Variants in KLHL3 observed in about 807,000 individuals in gnomAD.
The protein encoded by KLHL3 is kelch like family member 3, also known as kelch-like protein 3.
Under a neutral mutation model 70.5 loss-of-function variants are expected in KLHL3, and 19 were observed. That is an observed-to-expected ratio of 0.27 (90% confidence interval 0.19 to 0.40). The LOEUF is 0.40. Ranked by LOEUF, KLHL3 falls within the 10% of genes least tolerant of loss-of-function variation. KLHL3 has a pLI of 1.00. For synonymous variants in KLHL3, 258 were observed against 290.3 expected, an observed-to-expected ratio of 0.89 and a Z score of 1.13; for missense variants, 512 against 771.1, an observed-to-expected ratio of 0.66 and a Z score of 3.98.
chr5:137,696,459 CCT>C (rs919146948), intron 4 of KLHL3, among the ~76,000 whole-genome samples: 1 of 152,228 alleles, frequency 6.6e-6, no homozygotes, highest in Non-Finnish European at 1.5e-5. Flanking sequence ...CCTCTCAATG[CCT>C]CTGTCTCCTC....
intron 3 of KLHL3, among the ~76,000 whole-genome samples, chr5:137,709,544 T>C (rs558739845): frequency 4.6e-5 from 7 of 152,334 alleles, no homozygotes; most frequent in Admixed American, 3.3e-4. Context: ...TTCCTCATGG[T>C]GGACAAGGGC....
intron 4 of KLHL3, among the ~76,000 whole-genome samples, chr5:137,694,473 A>G (rs564728127): frequency 6.6e-6 from 1 of 152,306 alleles, no homozygotes; most frequent in East Asian, 1.9e-4. Flanking sequence ...CTAAGCAGCC[A>G]TAAACTGGGA....
rs769021527 is a variant in KLHL3, at chr5:137,647,666, G to C, written c.904-7689C>G. The C allele has an allele frequency of 5.5e-5, 25 of 456,644 alleles. 1 individual carries two copies. Among genetic ancestry groups the C allele is most frequent in the South Asian group, 3.8e-4 (24 of 63,648 alleles). 28.3% of individuals were successfully genotyped at this position (456,644 alleles called of 1,614,324 possible). ...CAGGGCTAACACCAACAATTCATCCGATGGAGCATGTCGAGGTCGAGCCAG... is the reference window on the plus strand; with the variant it reads ...CAGGGCTAACACCAACAATTCATCCCATGGAGCATGTCGAGGTCGAGCCAG... On this transcript the variant is annotated intron_variant, in intron 8 of 14. Transcript: ENST00000309755.
chr5:137,684,514 C>T (rs941964617), intron 5 of KLHL3, among the ~76,000 whole-genome samples: 2 of 152,150 alleles, frequency 1.3e-5, no homozygotes, highest in Admixed American at 6.5e-5. Context: ...AATGGCTTTT[C>T]CATCCCATGG....
intron 4 of KLHL3, among the ~76,000 whole-genome samples, chr5:137,694,519 G>A (rs528279978): frequency 2.0e-5 from 3 of 152,218 alleles, no homozygotes; most frequent in Middle Eastern, 3.4e-3. Context: ...CAGCCCGGCC[G>A]AACAGATTCC....
intron 3 of KLHL3, among the ~76,000 whole-genome samples, chr5:137,702,584 AG>A (rs1056944388): frequency 1.2e-4 from 19 of 152,364 alleles, no homozygotes; most frequent in Admixed American, 3.3e-4. Flanking sequence ...TAAGGGCAAC[AG>A]GGAGCCCCTG....
At chr5:137,734,289 C>T (rs1166886949) in intron 1 of KLHL3, among the ~76,000 whole-genome samples, 1 of 152,202 alleles carries the variant, frequency 6.6e-6, no homozygotes, top group Non-Finnish European at 1.5e-5. Flanking sequence ...CTCTGCCCCA[C>T]ACTTAGGAAA....
chr5:137,626,172 C>CTAA (rs1750456627), intron 13 of KLHL3, among the ~76,000 whole-genome samples: 2 of 152,186 alleles, frequency 1.3e-5, no homozygotes. Context: ...ACACACATAC[C>CTAA]TATACTATAA....
intron 5 of KLHL3, among the ~76,000 whole-genome samples, chr5:137,684,980 G>C (rs1441638739): frequency 1.3e-5 from 2 of 152,226 alleles, no homozygotes; most frequent in African/African-American, 4.8e-5. Flanking sequence ...GGAAGAGACA[G>C]GGCCCTTCCA....
chr5:137,716,862 G>C (rs1269898805), intron 2 of KLHL3, among the ~76,000 whole-genome samples: 1 of 152,194 alleles, frequency 6.6e-6, no homozygotes, highest in Non-Finnish European at 1.5e-5. Flanking sequence ...TAGAACCTTA[G>C]GGAGGAAAGC....
intron 5 of KLHL3, among the ~76,000 whole-genome samples, 178 bp downstream of exon 5, chr5:137,692,107 C>G (rs1315398372): frequency 6.6e-6 from 1 of 152,208 alleles, no homozygotes; most frequent in Non-Finnish European, 1.5e-5. Context: ...TAATCATTTT[C>G]CACTTGGCAA....
intron 6 of KLHL3, among the ~76,000 whole-genome samples, chr5:137,671,062 C>T (rs1179830301): frequency 6.6e-6 from 1 of 152,018 alleles, no homozygotes; most frequent in Non-Finnish European, 1.5e-5. Flanking sequence ...TAAGCAAATA[C>T]TGACCTGAAG....
At chr5:137,666,942 AG>A (rs975282987) in intron 6 of KLHL3, among the ~76,000 whole-genome samples, 3 of 152,224 alleles carry the variant, frequency 2.0e-5, no homozygotes, top group African/African-American at 7.2e-5. Flanking sequence ...CCCAAGTCCC[AG>A]AACTAAAAAG....
intron 5 of KLHL3, among the ~76,000 whole-genome samples, chr5:137,680,755 G>A (rs1323982825): frequency 6.6e-6 from 1 of 151,930 alleles, no homozygotes; most frequent in Non-Finnish European, 1.5e-5. Context: ...TGTTGGTCAG[G>A]CTGGTCTCGA....
rs548217362 is a variant in KLHL3 at position 137,709,476 on chromosome 5, C to T, written c.241+274G>A. Among the ~76,000 whole-genome samples, 13 of 152,338 alleles carry T rather than the reference C, an allele frequency of 8.5e-5. No homozygotes were observed. The East Asian group carries it at 1.5e-3, about 18-fold the overall frequency. On this transcript the variant is annotated intron_variant, in intron 3 of 14. Coordinates refer to ENST00000309755, the MANE Select transcript of KLHL3 (RefSeq NM_017415.3). The stretch of plus-strand genomic sequence containing the variant: ...TCTACATTGTTAACAAGCTCCCCCA[C>T]ATGATTATGGTGCAGGGTGAGTTTT...
chr5:137,623,548 T>C (rs1750377038), intron 14 of KLHL3, among the ~76,000 whole-genome samples: 1 of 152,168 alleles, frequency 6.6e-6, no homozygotes, highest in Admixed American at 6.5e-5. Flanking sequence ...ATAACCTTTA[T>C]CTTAATAATA....
intron 6 of KLHL3, chr5:137,673,076 C>A (rs191150451): frequency 6.6e-6 from 1 of 152,148 alleles, no homozygotes; most frequent in Non-Finnish European, 1.5e-5. Flanking sequence ...GTGTTCCACG[C>A]TAAGGAATCA....
intron 3 of KLHL3, among the ~76,000 whole-genome samples, chr5:137,709,485 G>C (rs1287508955): frequency 2.0e-5 from 3 of 152,188 alleles, no homozygotes; most frequent in African/African-American, 7.2e-5. Flanking sequence ...ACATGATTAT[G>C]GTGCAGGGTG....
chr5:137,735,763 A>T lies in KLHL3; in HGVS notation c.-117T>A. ...GAAATCTGATCAGCAACAGTGATTC[A>T]GCATGGCTGCAAGTGAAGCCTCCTC... is the stretch of plus-strand genomic sequence containing the variant. On this transcript the variant is annotated 5_prime_UTR_variant, in exon 1 of 15. Coordinates refer to ENST00000309755, the MANE Select transcript of KLHL3 (RefSeq NM_017415.3). The T allele has an allele frequency of 7.1e-7, 1 of 1,411,140 alleles. No homozygotes were observed. Among genetic ancestry groups the T allele is most frequent in the Non-Finnish European group, 1.0e-6 (1 of 995,794 alleles). The allele number at this position is 1,411,140 out of a possible 1,614,324, so 87.4% of individuals were successfully genotyped here.
Sources: gnomAD v4.1 joint callset for allele counts (sites outside exome capture counted in the v4.1 genomes callset) on GRCh38, gnomAD v4.1.1 for gene constraint, MANE v1.5 for transcripts, NCBI Gene and HGNC (gene_info 2026-07-23, HGNC 2026-07-21) for gene names.